ARHGEF7: variants seen among roughly 807,000 people sequenced by gnomAD.
ARHGEF7 encodes PAK-interacting exchange factor beta.
In ARHGEF7, 33 loss-of-function variants were observed where a neutral mutation model predicts 109.8. The ratio of observed to expected loss-of-function variants is 0.30; its 90% CI spans 0.23 to 0.40. ARHGEF7 has a LOEUF of 0.40. Ranked by LOEUF, ARHGEF7 falls within the 10% of genes least tolerant of loss-of-function variation. ARHGEF7 has a pLI of 1.00. For synonymous variants in ARHGEF7, 458 were observed against 424.6 expected, an observed-to-expected ratio of 1.08 and a Z score of -0.97; for missense variants, 938 against 1,098.5, an observed-to-expected ratio of 0.85 and a Z score of 2.07.
chr13:111,287,889 C>CG lies in ARHGEF7; in HGVS notation c.2045-463dup, dbSNP rs564170299. Among the ~76,000 whole-genome samples the CG allele has an allele frequency of 3.1e-3, 465 of 152,356 alleles. 3 individuals are homozygous for CG. Among genetic ancestry groups the CG allele is most frequent in the Non-Finnish European group, 5.4e-3 (365 of 68,028 alleles). On this transcript the variant is annotated intron_variant, in intron 17 of 21. Transcript: ENST00000646102. ...CTGCCGTGTGGGGAACAGACAGGCA[C>CG]GGATGGCCACGTCGACACTGAGAGT... is the stretch of plus-strand genomic sequence containing the variant.
chr13:111,147,242 A>G (rs1238902144), intron 1 of ARHGEF7, among the ~76,000 whole-genome samples: 3 of 152,220 alleles, frequency 2.0e-5, no homozygotes, highest in Non-Finnish European at 4.4e-5. Flanking sequence ...GTCTTAGGGT[A>G]GATGTATATT....
chr13:111,278,299 C>G (rs555033122), intron 13 of ARHGEF7, among the ~76,000 whole-genome samples: 1 of 152,278 alleles, frequency 6.6e-6, no homozygotes, highest in East Asian at 1.9e-4. Flanking sequence ...AGTAGATGCA[C>G]TTGGCAGGTT....
At chr13:111,245,226 A>G (rs1228599785) in intron 8 of ARHGEF7, among the ~76,000 whole-genome samples, 1 of 152,072 alleles carries the variant, frequency 6.6e-6, no homozygotes, top group South Asian at 2.1e-4. Context: ...GTTGTAGTGG[A>G]TCAGACTGGC....
At chr13:111,171,340 G>T (rs1163959240) in intron 2 of ARHGEF7, among the ~76,000 whole-genome samples, 1 of 152,240 alleles carries the variant, frequency 6.6e-6, no homozygotes, top group Non-Finnish European at 1.5e-5. Flanking sequence ...GGAGCTGCGT[G>T]TGCAGGAGTA....
chr13:111,240,931 C>T (rs373545399), intron 6 of ARHGEF7, among the ~76,000 whole-genome samples: 8 of 152,188 alleles, frequency 5.3e-5, no homozygotes, highest in South Asian at 4.2e-4. Context: ...AAACACCTAC[C>T]GAGATTGGCA....
At chr13:111,301,766 G>A (rs1419377658) in intron 21 of ARHGEF7, among the ~76,000 whole-genome samples, 1 of 152,064 alleles carries the variant, frequency 6.6e-6, no homozygotes, top group Non-Finnish European at 1.5e-5. Context: ...AGCGGCAGGT[G>A]CCTGTAACCC....
chr13:111,172,412 A>G (rs140270263), intron 2 of ARHGEF7, among the ~76,000 whole-genome samples: 488 of 152,290 alleles, frequency 3.2e-3, no homozygotes, highest in African/African-American at 0.011. Context: ...TATTCTCTTA[A>G]TATCCCTGAA....
At chr13:111,178,790 T>G (rs556674368) in intron 2 of ARHGEF7, among the ~76,000 whole-genome samples, 2 of 152,294 alleles carry the variant, frequency 1.3e-5, no homozygotes, top group South Asian at 2.1e-4. Context: ...GAGGGGAAGA[T>G]TAGTGTGGCA....
At chr13:111,177,205 A>T (rs1314235809) in intron 2 of ARHGEF7, among the ~76,000 whole-genome samples, 1 of 152,210 alleles carries the variant, frequency 6.6e-6, no homozygotes. Flanking sequence ...GAGGCCTGGG[A>T]ACTGGGCCAG....
intron 2 of ARHGEF7, among the ~76,000 whole-genome samples, chr13:111,154,624 C>G (rs548207931): frequency 2.0e-5 from 3 of 152,308 alleles, no homozygotes; most frequent in East Asian, 1.9e-4. Flanking sequence ...TGGGCGGGGT[C>G]TCGATTCCCT....
chr13:111,231,560 G>C (rs774726734), intron 5 of ARHGEF7, among the ~76,000 whole-genome samples: 39 of 151,320 alleles, frequency 2.6e-4, no homozygotes, highest in Admixed American at 9.8e-4. Context: ...AGGAGCATGA[G>C]GTTGGTTCGG....
chr13:111,115,793 T>A, intron 1 of ARHGEF7, 102 bp downstream of exon 1: 1 of 506,974 alleles, frequency 2.0e-6, no homozygotes, highest in East Asian at 1.2e-4. Flanking sequence ...GGGAAACCCG[T>A]GCGCCCTCCT....
At chr13:111,186,398 G>C (rs554568949) in intron 2 of ARHGEF7, among the ~76,000 whole-genome samples, 4 of 152,324 alleles carry the variant, frequency 2.6e-5, no homozygotes, top group Non-Finnish European at 5.9e-5. Flanking sequence ...TAAATCATTT[G>C]GGTGCATGTT....
At chr13:111,212,180 A>G (rs564254290) in intron 4 of ARHGEF7, among the ~76,000 whole-genome samples, 8 of 152,248 alleles carry the variant, frequency 5.3e-5, no homozygotes, top group Admixed American at 4.6e-4. Flanking sequence ...GCAGGCTTGA[A>G]CAGTTTGATG....
At chr13:111,296,215 G>A (rs1344271011) in intron 19 of ARHGEF7, among the ~76,000 whole-genome samples, 4 of 150,282 alleles carry the variant, frequency 2.7e-5, no homozygotes, top group Non-Finnish European at 5.9e-5. Flanking sequence ...CTTAAACGAA[G>A]TTCCATAGTT....
chr13:111,267,751 T>G, intron 9 of ARHGEF7, 81 bp downstream of exon 9: 1 of 1,525,030 alleles, frequency 6.6e-7, no homozygotes, highest in Non-Finnish European at 8.9e-7. Flanking sequence ...AGTATGATGC[T>G]AATAGTCCCT....
rs1224427446 is a variant in ARHGEF7, at chr13:111,293,226, G to A, written c.2311+932G>A. Reference sequence around the variant, plus strand: ...GCATTTGGAATACTTACAAAGTCAAGTGCTGTGGCTTCAGTTCCCCCGGCT... The same window carrying A: ...GCATTTGGAATACTTACAAAGTCAAATGCTGTGGCTTCAGTTCCCCCGGCT... On this transcript the variant is annotated intron_variant, in intron 19 of 21. Coordinates refer to ENST00000646102, the MANE Select transcript of ARHGEF7 (RefSeq NM_001354046.2). 3.0e-6 allele frequency: 3 copies of A among 985,256 alleles called. No individual in the cohort carries two copies. In the African/African-American group the frequency reaches 5.2e-5, roughly 17 times the overall value. The allele number at this position is 985,256 out of a possible 1,614,324, so 61.0% of individuals were successfully genotyped here.
chr13:111,247,060 G>A (rs909571472), intron 8 of ARHGEF7, among the ~76,000 whole-genome samples: 1 of 152,198 alleles, frequency 6.6e-6, no homozygotes, highest in African/African-American at 2.4e-5. Context: ...TATGCTACAT[G>A]TATACGAGGT....
rs2092305740 is a variant in ARHGEF7 at position 111,273,507 on chromosome 13, T to C, written c.1074-307T>C. On this transcript the variant is annotated intron_variant, in intron 9 of 21. Coordinates refer to ENST00000646102, the MANE Select transcript of ARHGEF7 (RefSeq NM_001354046.2). The surrounding 1 kb of genome is among the most constrained non-coding windows in gnomAD (Gnocchi z 4.5). ...TGAGTGTGCATGTTTCCATTGGATA[T>C]GTCTGCATGGCACTGATGTGCTGGA... 6.6e-6 allele frequency among the ~76,000 whole-genome samples: 1 copy of C among 152,242 alleles called. No individual in the cohort carries two copies. Among genetic ancestry groups the C allele is most frequent in the Admixed American group, 6.5e-5 (1 of 15,290 alleles).
Sources: allele counts gnomAD v4.1 joint callset (sites outside exome capture counted in the v4.1 genomes callset), GRCh38; gene constraint gnomAD v4.1.1; non-coding constraint Gnocchi (gnomAD v3.1); transcripts MANE v1.5; gene names NCBI Gene and HGNC (gene_info 2026-07-23, HGNC 2026-07-21).